Variants in MARS1 observed in about 807,000 individuals in gnomAD.
The protein encoded by MARS1 is methionyl-tRNA synthetase 1.
In MARS1, 80 loss-of-function variants were observed where a neutral mutation model predicts 119.5. That is an observed-to-expected ratio of 0.67 (90% CI 0.56 to 0.81). The LOEUF is 0.81. Among genes scored for constraint, MARS1 ranks in the 30% least tolerant of loss-of-function variants. The pLI is 0.00. For missense variants in MARS1, 945 were observed against 1,116.5 expected, an observed-to-expected ratio of 0.85 and a Z score of 2.19; for synonymous variants, 418 against 433.4, an observed-to-expected ratio of 0.96 and a Z score of 0.44.
chr12:57,490,140 G>A, intron 5 of MARS1, 67 bp from the exon 6 acceptor site: 1 of 1,545,194 alleles, frequency 6.5e-7, no homozygotes, highest in Non-Finnish European at 8.8e-7. Flanking sequence ...CAAAGAAGGG[G>A]AAAGATGCCC....
At chr12:57,493,729 T>TATATTATATTATATATATTA (rs1491212210) in intron 7 of MARS1, among the ~76,000 whole-genome samples, 1 of 1,158 alleles carries the variant, frequency 8.6e-4, no homozygotes, top group African/African-American at 1.4e-3. Flanking sequence ...ATATATTATA[T>TATATTATATTATATATATTA]TATATAATAT....
chr12:57,510,899 A>T (rs1174776588), intron 11 of MARS1, among the ~76,000 whole-genome samples: 2 of 151,556 alleles, frequency 1.3e-5, no homozygotes, highest in Non-Finnish European at 2.9e-5. Context: ...ACTTGGTGAA[A>T]CCCATCTCTA....
chr12:57,488,392 T>G, intron 1 of MARS1, 193 bp downstream of exon 1: 1 of 725,450 alleles, frequency 1.4e-6, no homozygotes, highest in Non-Finnish European at 2.3e-6. Flanking sequence ...TTACCCTCAA[T>G]ATAATACCCT....
chr12:57,488,993 T>TA (rs754269270), intron 1 of MARS1, 26 bp from the exon 2 acceptor site: 150 of 1,470,714 alleles, frequency 1.0e-4, no homozygotes, highest in South Asian at 1.3e-4. Flanking sequence ...TTTTTTTTTT[T>TA]AACCCATTTT....
At chr12:57,489,157 C>G in intron 2 of MARS1, 48 bp downstream of exon 2, 1 of 1,601,144 alleles carries the variant, frequency 6.2e-7, no homozygotes, top group Non-Finnish European at 8.6e-7. Context: ...CAAATCAGGC[C>G]TCACTGTCAT....
chr12:57,489,027 G>A lies in MARS1; in HGVS notation c.118G>A (p.Val40Ile), dbSNP rs1875704151. ...TTCCATTCTTGCATCAGATTGTGTG[G>A]TCCCGTTCCTGACCCGGCCTAAGGT... ...ISTVGPEDCV[V>I]PFLTRPKVPV... The change falls in exon 2 of 21, where the codon GTC (valine) becomes ATC (isoleucine). Residue 40 changes from valine (V) to isoleucine (I), a missense_variant. Val to Ile is a conservative substitution (Grantham distance 29). Coordinates refer to ENST00000262027, the MANE Select transcript of MARS1 (RefSeq NM_004990.4). The A allele has an allele frequency of 6.2e-7, 1 of 1,611,528 alleles. No homozygotes were observed. The highest frequency in any genetic ancestry group is 1.3e-5 in the African/African-American group (1 of 74,440).
intron 15 of MARS1, 105 bp downstream of exon 15, chr12:57,513,069 T>A: frequency 1.1e-6 from 1 of 905,364 alleles, no homozygotes; most frequent in South Asian, 1.4e-5. Flanking sequence ...CAGGAGGCTG[T>A]GAGGACACTG....
Position 57,490,352 on chromosome 12 carries a change from G to C in MARS1, c.636G>C (p.Glu212Asp), listed in dbSNP as rs759487895. 1.2e-6 allele frequency: 2 copies of C among 1,612,674 alleles called. No individual in the cohort carries two copies. Among genetic ancestry groups the C allele is most frequent in the Admixed American group, 1.7e-5 (1 of 60,022 alleles). ...AGCAGCCCCAGCCCAGCCCCGCTGA[G>C]GGAAGGGCTGTCACCAATGAGCCTG... ...LQKQPQPSPA[E>D]GRAVTNEPEE... Residue 212 changes from glutamate (E) to aspartate (D), a missense_variant, in exon 6 of 21, where the codon GAG becomes GAC. By Grantham distance (45) the Glu-to-Asp change is conservative (BLOSUM62 2). Coordinates refer to ENST00000262027, the MANE Select transcript of MARS1 (RefSeq NM_004990.4).
At chr12:57,497,183 TGGA>T (rs1008802677) in intron 7 of MARS1, among the ~76,000 whole-genome samples, 26 of 152,130 alleles carry the variant, frequency 1.7e-4, no homozygotes, top group African/African-American at 6.0e-4. Context: ...AAGGTTTTCT[TGGA>T]GGAGGTGATT....
At chr12:57,511,331 C>T (rs947497901) in intron 11 of MARS1, among the ~76,000 whole-genome samples, 21 of 151,788 alleles carry the variant, frequency 1.4e-4, no homozygotes, top group Admixed American at 2.6e-4. Context: ...CAACTGTAGT[C>T]TCAGCGCTTT....
intron 7 of MARS1, among the ~76,000 whole-genome samples, chr12:57,493,862 AT>A (rs1469514611): frequency 1.6e-4 from 1 of 6,334 alleles, no homozygotes; most frequent in African/African-American, 1.8e-4. Context: ...ATATATTTAT[AT>A]TATATAATAT....
At chr12:57,501,708 G>A (rs147225957) in intron 10 of MARS1, among the ~76,000 whole-genome samples, 2 of 152,150 alleles carry the variant, frequency 1.3e-5, no homozygotes, top group South Asian at 4.1e-4. Flanking sequence ...TGTAATCCCC[G>A]CTTCTTGGGA....
intron 7 of MARS1, among the ~76,000 whole-genome samples, chr12:57,497,831 G>A (rs573497617): frequency 6.6e-6 from 1 of 152,232 alleles, no homozygotes; most frequent in East Asian, 1.9e-4. Context: ...ATTGGACAGA[G>A]CCTAGGGAGA....
At position 57,489,304 on chromosome 12, in the gene MARS1, C is replaced by T. The variant is rs190598622; in HGVS notation, c.238C>T (p.Leu80Phe). ...FLLSGWEQDD[L>F]TNQWLEWEAT... ...GTTATCTGGCTGGGAGCAAGATGAC[C>T]TCACTAACCAGTGGCTGGAATGGGA... The change falls in exon 3 of 21, where the codon CTC becomes TTC. Residue 80 changes from leucine to phenylalanine, a missense_variant. Physicochemically the swap from Leu to Phe is conservative, Grantham distance 22 (BLOSUM62 0). Transcript: ENST00000262027. 93 of 1,613,936 alleles carry T rather than the reference C, an allele frequency of 5.8e-5. No individual in the cohort carries two copies. In the East Asian group the frequency reaches 2.0e-3, roughly 35 times the overall value.
chr12:57,501,875 A>G (rs530327411), intron 10 of MARS1, among the ~76,000 whole-genome samples: 18 of 151,948 alleles, frequency 1.2e-4, no homozygotes, highest in South Asian at 6.2e-4. Flanking sequence ...CACACCTGTA[A>G]TCCCAGCTAC....
At chr12:57,511,943 A>G in intron 12 of MARS1, 65 bp from the exon 13 acceptor site, 3 of 1,604,794 alleles carry the variant, frequency 1.9e-6, no homozygotes, top group Non-Finnish European at 2.6e-6. Flanking sequence ...ACTGCTGATT[A>G]TGTCTTGTTT....
At chr12:57,515,568 T>A (rs1191770671) in intron 18 of MARS1, 3 of 586,830 alleles carry the variant, frequency 5.1e-6, no homozygotes, top group Non-Finnish European at 9.0e-6. Context: ...TAAACAGATA[T>A]TTGAAGAAAC....
intron 7 of MARS1, among the ~76,000 whole-genome samples, chr12:57,493,862 A>AT (rs1469514611): frequency 0.031 from 194 of 6,338 alleles, 86 homozygotes; most frequent in Non-Finnish European, 0.29. Context: ...ATATATTTAT[A>AT]TTATATAATA....
chr12:57,489,601 G>GCA, intron 4 of MARS1, 43 bp downstream of exon 4: 1 of 1,612,476 alleles, frequency 6.2e-7, no homozygotes, highest in Non-Finnish European at 8.5e-7. Context: ...GGCTTATGGT[G>GCA]TAAGGATTAA....
Sources: gnomAD v4.1 joint callset for allele counts (sites outside exome capture counted in the v4.1 genomes callset) on GRCh38, gnomAD v4.1.1 for gene constraint, MANE v1.5 for transcripts, NCBI Gene and HGNC (gene_info 2026-07-23, HGNC 2026-07-21) for gene names.